The following TTC28 variants were observed in gnomAD, a reference collection of about 807,000 sequenced individuals.
TTC28 encodes the protein tetratricopeptide repeat domain 28, also known as tetratricopeptide repeat protein 28.
In TTC28, 61 loss-of-function variants were observed where a neutral mutation model predicts 198.0. The ratio of observed to expected loss-of-function variants is 0.31; its 90% CI spans 0.25 to 0.38. The LOEUF is 0.38. Ranked by LOEUF, TTC28 falls within the 10% of genes least tolerant of loss-of-function variation. The pLI is 1.00. For missense variants in TTC28, 2,678 were observed against 3,164.0 expected (o/e 0.85, Z 3.69); for synonymous variants, 1,171 against 1,297.8 (o/e 0.90, Z 2.10).
intron 1 of TTC28, among the ~76,000 whole-genome samples, 190 bp downstream of exon 1, chr22:28,679,432 C>CT (rs1380602758): frequency 5.9e-5 from 9 of 152,174 alleles, no homozygotes; most frequent in African/African-American, 1.9e-4. Flanking sequence ...CACACACACT[C>CT]TCGCGGAAAC....
rs1212995478 is a variant in TTC28, at chr22:28,092,311, A to G, written c.3932+1769T>C. On this transcript the variant is annotated intron_variant, in intron 12 of 22. Coordinates refer to ENST00000397906, the MANE Select transcript of TTC28 (RefSeq NM_001145418.2). ...AGCTTGCCCTCAGTTCTGGGACAGTAGGGGCTATGTCTCCTTGTTCATCAG... is the reference window on the plus strand; with the variant it reads ...AGCTTGCCCTCAGTTCTGGGACAGTGGGGGCTATGTCTCCTTGTTCATCAG... 2.0e-5 allele frequency among the ~76,000 whole-genome samples: 3 copies of G among 152,170 alleles called. No individual in the cohort carries two copies. The East Asian group carries it at 5.8e-4, about 29-fold the overall frequency.
intron 2 of TTC28, among the ~76,000 whole-genome samples, chr22:28,542,674 T>C (rs2049441508): frequency 6.6e-6 from 1 of 152,082 alleles, no homozygotes; most frequent in Non-Finnish European, 1.5e-5. Flanking sequence ...AAAACACACT[T>C]TAGTAATCTA....
At chr22:28,132,864 T>C (rs1943091126) in intron 6 of TTC28, among the ~76,000 whole-genome samples, 2 of 152,214 alleles carry the variant, frequency 1.3e-5, no homozygotes, top group South Asian at 4.1e-4. Context: ...AAGTCACAGT[T>C]TCCAAGAACC....
intron 5 of TTC28, among the ~76,000 whole-genome samples, chr22:28,200,886 T>A (rs966992830): frequency 1.3e-5 from 2 of 152,202 alleles, no homozygotes; most frequent in Admixed American, 1.3e-4. Context: ...AGCTATATTG[T>A]GTGCTACTAT....
intron 2 of TTC28, among the ~76,000 whole-genome samples, chr22:28,358,385 T>G (rs2046109518): frequency 6.6e-6 from 1 of 152,204 alleles, no homozygotes; most frequent in Admixed American, 6.5e-5. Flanking sequence ...TTTATCCATC[T>G]CGAGGTAGAA....
intron 2 of TTC28, among the ~76,000 whole-genome samples, chr22:28,373,582 ATTTATC>A (rs1469223028): frequency 2.6e-5 from 4 of 152,222 alleles, no homozygotes; most frequent in Non-Finnish European, 5.9e-5. Flanking sequence ...TTTAATGTAG[ATTTATC>A]ATCTAGAGTG....
chr22:28,347,385 C>T (rs1343948148), intron 2 of TTC28, among the ~76,000 whole-genome samples: 2 of 152,108 alleles, frequency 1.3e-5, no homozygotes, highest in African/African-American at 4.8e-5. Context: ...ATGGTGCACT[C>T]TATTAAATTT....
chr22:28,579,095 G>A (rs1461336930), intron 2 of TTC28, among the ~76,000 whole-genome samples: 1 of 150,650 alleles, frequency 6.6e-6, no homozygotes. Context: ...CATACATATA[G>A]CTATATATAT....
intron 5 of TTC28, among the ~76,000 whole-genome samples, chr22:28,284,529 A>G (rs1207489727): frequency 1.3e-5 from 2 of 152,206 alleles, no homozygotes; most frequent in East Asian, 3.8e-4. Context: ...GACTACATCA[A>G]ACAAAAAGCT....
chr22:28,024,328 T>C (rs1332966056), intron 13 of TTC28, among the ~76,000 whole-genome samples: 1 of 152,204 alleles, frequency 6.6e-6, no homozygotes, highest in Non-Finnish European at 1.5e-5. Context: ...AAAGCCCTCT[T>C]TGGCCATGTC....
At chr22:28,148,482 G>A (rs1025136675) in intron 6 of TTC28, among the ~76,000 whole-genome samples, 14 of 151,890 alleles carry the variant, frequency 9.2e-5, no homozygotes, top group African/African-American at 2.7e-4. Flanking sequence ...GCGCGGTGGC[G>A]GGCACCTGTA....
At chr22:28,314,058 T>C (rs988380323) in intron 2 of TTC28, among the ~76,000 whole-genome samples, 7 of 152,156 alleles carry the variant, frequency 4.6e-5, no homozygotes, top group East Asian at 1.9e-4. Context: ...AGCATTCCTA[T>C]ACACCAATAA....
chr22:28,088,173 A>G (rs1293605633), intron 12 of TTC28, among the ~76,000 whole-genome samples: 2 of 152,284 alleles, frequency 1.3e-5, no homozygotes, highest in East Asian at 3.9e-4. Context: ...TTTAAAGTTC[A>G]TATGGCACCA....
rs914700383 is a variant in TTC28, at chr22:28,662,715, T to A, written c.102+16907A>T. ...AAATTTTATTTTTCATAAAATATAT[T>A]TGGAATTTGTGGCCAATTTCTTGAA... On this transcript the variant is annotated intron_variant, in intron 1 of 22. Coordinates refer to ENST00000397906, the MANE Select transcript of TTC28 (RefSeq NM_001145418.2). Among the ~76,000 whole-genome samples the A allele has an allele frequency of 1.8e-4, 28 of 152,352 alleles. 1 individual carries two copies. Among genetic ancestry groups the A allele is most frequent in the Admixed American group, 9.8e-4 (15 of 15,302 alleles).
chr22:28,311,487 A>G (rs910426193), intron 2 of TTC28, among the ~76,000 whole-genome samples: 10 of 152,226 alleles, frequency 6.6e-5, no homozygotes, highest in African/African-American at 2.4e-4. Context: ...TGGTTTTAAA[A>G]GAAAAACTGA....
chr22:28,209,515 A>T (rs1926718903), intron 5 of TTC28, among the ~76,000 whole-genome samples: 1 of 152,162 alleles, frequency 6.6e-6, no homozygotes, highest in Admixed American at 6.5e-5. Context: ...AGAGGGTCCC[A>T]CGCCCACTGA....
chr22:28,482,710 T>C (rs1230864136), intron 2 of TTC28, among the ~76,000 whole-genome samples: 1 of 152,212 alleles, frequency 6.6e-6, no homozygotes, highest in Admixed American at 6.5e-5. Context: ...CCCATACTCA[T>C]TAAGCAGCTT....
intron 6 of TTC28, among the ~76,000 whole-genome samples, chr22:28,158,614 C>A (rs1430937129): frequency 6.6e-6 from 1 of 152,072 alleles, no homozygotes; most frequent in East Asian, 1.9e-4. Context: ...ATCCACACAC[C>A]AACAGTGAAC....
At chr22:28,523,010 T>C (rs2048938348) in intron 2 of TTC28, among the ~76,000 whole-genome samples, 1 of 152,178 alleles carries the variant, frequency 6.6e-6, no homozygotes, top group African/African-American at 2.4e-5. Context: ...CACTGAAGTA[T>C]GTACTTTATA....
Sources: allele counts gnomAD v4.1 joint callset (sites outside exome capture counted in the v4.1 genomes callset), GRCh38; gene constraint gnomAD v4.1.1; transcripts MANE v1.5; gene names NCBI Gene and HGNC (gene_info 2026-07-23, HGNC 2026-07-21).